Variants in CHLSN observed in about 807,000 individuals in gnomAD.
The protein encoded by CHLSN is protein cholesin.
the CHLSN span, among the ~76,000 whole-genome samples, chr7:1,020,027 G>A: frequency 6.6e-6 from 1 of 152,214 alleles, no homozygotes; most frequent in African/African-American, 2.4e-5. Flanking sequence ...CCAGCGAGGC[G>A]GCAGGTGGCC....
the CHLSN span, among the ~76,000 whole-genome samples, chr7:979,859 G>A: frequency 9.2e-5 from 14 of 152,134 alleles, no homozygotes; most frequent in Non-Finnish European, 1.9e-4. Flanking sequence ...ACTTTTTTCC[G>A]CACAGTTGCA....
chr7:1,092,178 G>A, the CHLSN span: 1 of 1,613,328 alleles, frequency 6.2e-7, no homozygotes, highest in South Asian at 1.1e-5. Context: ...TCCTCACCTG[G>A]ATGAGCTTCG....
At chr7:995,453 C>T in the CHLSN span, among the ~76,000 whole-genome samples, 1 of 152,220 alleles carries the variant, frequency 6.6e-6, no homozygotes, top group Non-Finnish European at 1.5e-5. Context: ...CAGCAGTACC[C>T]ACCCCATTTC....
chr7:1,096,765 G>C, the CHLSN span, among the ~76,000 whole-genome samples: 1 of 152,212 alleles, frequency 6.6e-6, no homozygotes, highest in Non-Finnish European at 1.5e-5. The surrounding 1 kb of genome is among the most constrained non-coding windows in gnomAD (Gnocchi z 4.6). Flanking sequence ...TTGACCTCAC[G>C]AGAGTGACAC....
chr7:1,116,084 ATCACTACAGCTCTAGGGACCG>A, the CHLSN span, among the ~76,000 whole-genome samples: 1 of 124,602 alleles, frequency 8.0e-6, no homozygotes, highest in East Asian at 2.4e-4. Context: ...GGATGATGAC[ATCACTACAGCTCTAGGGACCG>A]GCTTCCATCA....
At chr7:1,006,651 G>A in the CHLSN span, among the ~76,000 whole-genome samples, 6 of 149,306 alleles carry the variant, frequency 4.0e-5, no homozygotes, top group Non-Finnish European at 7.4e-5. Context: ...CGGGGAAAGA[G>A]CGCACGACGG....
the CHLSN span, among the ~76,000 whole-genome samples, chr7:1,057,137 G>A: frequency 5.3e-5 from 8 of 152,106 alleles, no homozygotes; most frequent in African/African-American, 1.7e-4. Flanking sequence ...CAGACATCTA[G>A]TAAACTTCGG....
chr7:1,122,363 T>C, the CHLSN span, among the ~76,000 whole-genome samples: 1 of 152,152 alleles, frequency 6.6e-6, no homozygotes, highest in Admixed American at 6.5e-5. Flanking sequence ...CAAACAGCAC[T>C]GACAGCAGCA....
At chr7:1,070,296 G>A in the CHLSN span, among the ~76,000 whole-genome samples, 3 of 144,418 alleles carry the variant, frequency 2.1e-5, no homozygotes, top group East Asian at 2.0e-4. Context: ...CGCCCCATCC[G>A]GGAGGGAGGT....
chr7:1,065,687 G>T, the CHLSN span, among the ~76,000 whole-genome samples: 1 of 152,228 alleles, frequency 6.6e-6, no homozygotes, highest in African/African-American at 2.4e-5. Flanking sequence ...GACGGAGGCG[G>T]TCTCCCTTGC....
chr7:1,058,327 T>G, the CHLSN span: 1 of 777,488 alleles, frequency 1.3e-6, no homozygotes, highest in Non-Finnish European at 2.4e-6. Flanking sequence ...GCACACTACC[T>G]GGGGCTACTG....
At chr7:1,098,821 C>T in the CHLSN span, among the ~76,000 whole-genome samples, 2 of 152,146 alleles carry the variant, frequency 1.3e-5, no homozygotes, top group African/African-American at 4.8e-5. Flanking sequence ...GCTGCCGGGG[C>T]TGGGGTGAGC....
the CHLSN span, among the ~76,000 whole-genome samples, chr7:1,116,890 G>A: frequency 2.9e-5 from 1 of 33,978 alleles, no homozygotes; most frequent in Non-Finnish European, 4.7e-5. Context: ...CATCACCGAC[G>A]TCCACGCAGG....
the CHLSN span, among the ~76,000 whole-genome samples, chr7:1,134,249 G>A: frequency 6.0e-5 from 9 of 150,482 alleles, no homozygotes; most frequent in Non-Finnish European, 1.0e-4. Flanking sequence ...CTCCAGCCTC[G>A]GCGACAGAGT....
the CHLSN span, among the ~76,000 whole-genome samples, chr7:1,007,102 C>T: frequency 6.6e-6 from 1 of 152,144 alleles, no homozygotes; most frequent in Non-Finnish European, 1.5e-5. Context: ...GGGGAGACCC[C>T]CAGGGCATCC....
chr7:1,085,475 C>T, the CHLSN span, among the ~76,000 whole-genome samples: 7 of 152,142 alleles, frequency 4.6e-5, no homozygotes, highest in South Asian at 6.2e-4. Context: ...AACCATGAGA[C>T]GGGGAGAAGG....
the CHLSN span, among the ~76,000 whole-genome samples, chr7:1,069,028 C>G: frequency 5.9e-5 from 9 of 152,170 alleles, no homozygotes; most frequent in Non-Finnish European, 7.3e-5. Context: ...CTTGCAAGAC[C>G]GTCATTAAAA....
chr7:1,127,501 ATGG>A, the CHLSN span: 1 of 1,012,694 alleles, frequency 9.9e-7, no homozygotes, highest in Non-Finnish European at 1.4e-6. Flanking sequence ...AAAGAGTATT[ATGG>A]AAAACATATA....
At chr7:1,106,761 T>G in the CHLSN span, among the ~76,000 whole-genome samples, 4 of 152,218 alleles carry the variant, frequency 2.6e-5, no homozygotes, top group African/African-American at 9.7e-5. Context: ...AATCCCTGGC[T>G]GTGCTCCCAG....
Sources: allele counts gnomAD v4.1 joint callset (sites outside exome capture counted in the v4.1 genomes callset), GRCh38; gene constraint gnomAD v4.1.1; non-coding constraint Gnocchi (gnomAD v3.1); transcripts MANE v1.5; gene names NCBI Gene and HGNC (gene_info 2026-07-23, HGNC 2026-07-21).